Variants in GFOD1 observed in about 807,000 individuals in gnomAD.
GFOD1 encodes the protein Gfo/Idh/MocA-like oxidoreductase domain containing 1.
A neutral mutation model predicts 25.4 loss-of-function variants in GFOD1; 9 were observed. That is an observed-to-expected ratio of 0.35 (90% CI 0.21 to 0.62). The LOEUF is 0.62. Among genes scored for constraint, GFOD1 ranks in the 20% least tolerant of loss-of-function variants. GFOD1 has a pLI of 0.72. For synonymous variants in GFOD1, 253 were observed against 245.6 expected (o/e 1.03, Z -0.28); for missense variants, 403 against 556.9 (o/e 0.72, Z 2.78).
At chr6:13,423,613 C>G (rs1786298141) in intron 1 of GFOD1, among the ~76,000 whole-genome samples, 1 of 152,194 alleles carries the variant, frequency 6.6e-6, no homozygotes, top group Non-Finnish European at 1.5e-5. Context: ...CTTTACCATA[C>G]AGAGGAGGAG....
intron 1 of GFOD1, among the ~76,000 whole-genome samples, chr6:13,404,644 T>C (rs536911002): frequency 1.3e-5 from 2 of 152,306 alleles, no homozygotes; most frequent in Non-Finnish European, 1.5e-5. Context: ...AGCTAACTGT[T>C]AGCCACGTTC....
chr6:13,470,473 C>G (rs990856441), intron 1 of GFOD1: 3 of 1,550,170 alleles, frequency 1.9e-6, no homozygotes, highest in Non-Finnish European at 2.6e-6. Context: ...TGAAACCTGT[C>G]CCCTGGGACT....
At chr6:13,369,897 G>A (rs1785115632) in intron 1 of GFOD1, among the ~76,000 whole-genome samples, 1 of 152,068 alleles carries the variant, frequency 6.6e-6, no homozygotes. Context: ...AAAACCCTAG[G>A]AGGTTTACTC....
chr6:13,486,949 A>G lies in GFOD1; in HGVS notation c.-59T>C. The G allele has an allele frequency of 2.6e-6, 4 of 1,568,590 alleles. No individual in the cohort carries two copies. The highest frequency in any genetic ancestry group is 3.4e-6 in the Non-Finnish European group (4 of 1,162,886). On this transcript the variant is annotated 5_prime_UTR_variant, in exon 1 of 2. Transcript: ENST00000379287. ...CGGATCTCCAGTCCAACGCGCGCAC[A>G]CACCCACCTCTAGCCAGTCCTGCAC...
At position 13,399,605 on chromosome 6, in the gene GFOD1, C is replaced by A. The variant is rs78727617; in HGVS notation, c.254-33943G>T. 4.9e-3 allele frequency among the ~76,000 whole-genome samples: 747 copies of A among 152,168 alleles called. 9 individuals carry two copies. The highest frequency in any genetic ancestry group is 0.017 in the African/African-American group (689 of 41,488). On this transcript the variant is annotated intron_variant, in intron 1 of 1. Transcript: ENST00000379287. Reference sequence around the variant, plus strand: ...ATGAAGAAATCTCAAAACCGGTATGCGGAGTGAAAAGAAGCCAGAGGCAAA... The same window carrying A: ...ATGAAGAAATCTCAAAACCGGTATGAGGAGTGAAAAGAAGCCAGAGGCAAA...
intron 1 of GFOD1, among the ~76,000 whole-genome samples, chr6:13,452,985 C>T (rs974887654): frequency 1.3e-5 from 2 of 152,206 alleles, no homozygotes; most frequent in African/African-American, 4.8e-5. Flanking sequence ...CTGGATGTTA[C>T]GTACCATCCC....
At chr6:13,401,358 G>C (rs1785839441) in intron 1 of GFOD1, among the ~76,000 whole-genome samples, 1 of 151,742 alleles carries the variant, frequency 6.6e-6, no homozygotes, top group Non-Finnish European at 1.5e-5. Context: ...TAGCAGATGA[G>C]AGCAGGGAAT....
intron 1 of GFOD1, among the ~76,000 whole-genome samples, chr6:13,420,391 G>A (rs187724562): frequency 2.6e-5 from 4 of 152,282 alleles, no homozygotes; most frequent in Admixed American, 6.5e-5. Flanking sequence ...GATCCCAAGC[G>A]TAGTCCAATT....
chr6:13,469,522 G>T (rs1758440969), intron 1 of GFOD1: 2 of 1,012,950 alleles, frequency 2.0e-6, no homozygotes, highest in South Asian at 4.1e-5. Context: ...ACAGACCATT[G>T]ATACTGCAGC....
rs930079948 is a variant in GFOD1, at chr6:13,363,047, C to G, written c.*1696G>C. The G allele has an allele frequency of 1.3e-5, 2 of 152,224 alleles. No individual in the cohort carries two copies. Among genetic ancestry groups the G allele is most frequent in the African/African-American group, 4.8e-5 (2 of 41,446 alleles). 9.4% of individuals were successfully genotyped at this position (152,224 alleles called of 1,614,324 possible). ...ACTTATGAGGAATGGCTTCCACGTC[C>G]ACACTTGACAAATGTCTTACGTGGG... On this transcript the variant is annotated 3_prime_UTR_variant, in exon 2 of 2. Transcript: ENST00000379287.
In GFOD1 at chr6:13,400,972, C is replaced by A. The variant is rs184268768; in HGVS notation, c.254-35310G>T. On this transcript the variant is annotated intron_variant, in intron 1 of 1. Transcript: ENST00000379287. ...GGAAACAATGATGTTCTGTCAATAT[C>A]CTCAGCAAGGATTACTTCCCCTCAA... Among the ~76,000 whole-genome samples, 6 of 152,316 alleles carry A rather than the reference C, an allele frequency of 3.9e-5. 1 individual carries two copies. In the East Asian group the frequency reaches 1.2e-3, roughly 29 times the overall value.
intron 1 of GFOD1, among the ~76,000 whole-genome samples, chr6:13,455,831 C>G (rs929255316): frequency 6.6e-6 from 1 of 152,190 alleles, no homozygotes; most frequent in Non-Finnish European, 1.5e-5. Context: ...ACTCATTACC[C>G]GGAGCATCCT....
intron 1 of GFOD1, among the ~76,000 whole-genome samples, chr6:13,409,163 A>AAAGAAAGG (rs1562209486): frequency 2.0e-4 from 12 of 61,398 alleles, no homozygotes; most frequent in African/African-American, 1.1e-3. Flanking sequence ...GGAAAGAAAG[A>AAAGAAAGG]AAGGAAAGAG....
At chr6:13,452,727 C>T (rs1376280239) in intron 1 of GFOD1, among the ~76,000 whole-genome samples, 3 of 152,190 alleles carry the variant, frequency 2.0e-5, no homozygotes, top group Non-Finnish European at 1.5e-5. Context: ...CCATTAGGAT[C>T]GGCTGAGCCA....
intron 1 of GFOD1, among the ~76,000 whole-genome samples, chr6:13,474,626 G>A (rs1758577339): frequency 6.6e-6 from 1 of 152,090 alleles, no homozygotes; most frequent in Admixed American, 6.5e-5. Context: ...CTTCTTTCAA[G>A]GACAAAGACC....
At chr6:13,444,864 C>T (rs773677323) in intron 1 of GFOD1, among the ~76,000 whole-genome samples, 2 of 152,156 alleles carry the variant, frequency 1.3e-5, no homozygotes, top group East Asian at 1.9e-4. Context: ...TAAGCCTATA[C>T]ATATTGCAAA....
chr6:13,374,065 T>C (rs539140467), intron 1 of GFOD1, among the ~76,000 whole-genome samples: 1 of 152,140 alleles, frequency 6.6e-6, no homozygotes, highest in East Asian at 1.9e-4. Flanking sequence ...GGAGGCACAA[T>C]GTATTTTGCA....
rs1285728817 is a variant in GFOD1 at position 13,358,409 on chromosome 6, AAC to A, written c.*6332_*6333del. 6.6e-6 allele frequency: 1 copy of A among 152,190 alleles called. No individual in the cohort carries two copies. The highest frequency in any genetic ancestry group is 1.5e-5 in the Non-Finnish European group (1 of 68,034). 9.4% of individuals were successfully genotyped at this position (152,190 alleles called of 1,614,324 possible). On this transcript the variant is annotated 3_prime_UTR_variant, in exon 2 of 2. Coordinates refer to ENST00000379287, the MANE Select transcript of GFOD1 (RefSeq NM_018988.4). Reference sequence around the variant, plus strand: ...CAAACAAATGCCATTTTGGTTAAAAAACACAACAACAACAATAAAAAGCAGAT... The same window carrying A: ...CAAACAAATGCCATTTTGGTTAAAAAACAACAACAACAATAAAAAGCAGAT...
intron 1 of GFOD1, chr6:13,486,249 C>T (rs1333223904): frequency 1.1e-5 from 3 of 261,012 alleles, no homozygotes; most frequent in Non-Finnish European, 1.6e-5. Context: ...CCCCCCCATC[C>T]CCCCCCCCCA....
Sources: allele counts gnomAD v4.1 joint callset (sites outside exome capture counted in the v4.1 genomes callset), GRCh38; gene constraint gnomAD v4.1.1; transcripts MANE v1.5; gene names NCBI Gene and HGNC (gene_info 2026-07-23, HGNC 2026-07-21).